The following TLK1 variants were observed in gnomAD, a reference collection of about 807,000 sequenced individuals.
TLK1 encodes the protein tousled like kinase 1.
A neutral mutation model predicts 105.3 loss-of-function variants in TLK1; 24 were observed. The ratio of observed to expected loss-of-function variants is 0.23; its 90% CI spans 0.17 to 0.32. TLK1 has a LOEUF of 0.32. Ranked by LOEUF, TLK1 falls within the 10% of genes least tolerant of loss-of-function variation. TLK1 has a pLI of 1.00. For missense variants in TLK1, 558 were observed against 910.5 expected (o/e 0.61, Z 4.98); for synonymous variants, 321 against 310.4 (o/e 1.03, Z -0.36).
intron 1 of TLK1, among the ~76,000 whole-genome samples, chr2:171,167,479 G>A (rs761682495): frequency 5.3e-5 from 8 of 152,136 alleles, no homozygotes; most frequent in Non-Finnish European, 1.2e-4. Context: ...ATTAGATTAT[G>A]AAGAATTCTC....
chr2:171,030,032 C>G lies in TLK1; in HGVS notation c.1170-1627G>C, dbSNP rs181398576. On this transcript the variant is annotated intron_variant, in intron 11 of 20. Transcript: ENST00000431350. ...AAGTGCTGGGATTACAAGTGTGAGC[C>G]ACCACAACCGGCCCATACCCCAACT... is the stretch of plus-strand genomic sequence containing the variant. 4.7e-3 allele frequency among the ~76,000 whole-genome samples: 723 copies of G among 152,294 alleles called. 9 individuals are homozygous for G. The South Asian group carries it at 0.049, about 10-fold the overall frequency.
intron 1 of TLK1, among the ~76,000 whole-genome samples, chr2:171,228,344 A>G (rs1161555217): frequency 9.9e-5 from 15 of 152,222 alleles, no homozygotes; most frequent in Admixed American, 9.8e-4. Context: ...ACCTAAGGCT[A>G]GGAATTAGAG....
Position 171,175,797 on chromosome 2 carries a change from A to G in TLK1, c.-6+55348T>C, listed in dbSNP as rs564198258. On this transcript the variant is annotated intron_variant, in intron 1 of 20. Transcript: ENST00000521943. ...ACCTTGATGGCCACAACTACCTCCCATGGACCCTGGTTCTCAACCTTGACT... is the reference window on the plus strand; with the variant it reads ...ACCTTGATGGCCACAACTACCTCCCGTGGACCCTGGTTCTCAACCTTGACT... Among the ~76,000 whole-genome samples, 18 of 152,188 alleles carry G rather than the reference A, an allele frequency of 1.2e-4. No individual in the cohort carries two copies. The East Asian group carries it at 3.3e-3, about 28-fold the overall frequency.
chr2:171,007,603 CT>C (rs1684708509), intron 14 of TLK1, among the ~76,000 whole-genome samples: 1 of 151,990 alleles, frequency 6.6e-6, no homozygotes, highest in African/African-American at 2.4e-5. Context: ...CCTTATGCCC[CT>C]ACCATCCAGT....
intron 2 of TLK1, among the ~76,000 whole-genome samples, chr2:171,101,346 C>CAAA (rs71401403): frequency 3.2e-4 from 20 of 63,488 alleles, no homozygotes; most frequent in African/African-American, 1.0e-3. Flanking sequence ...AACTCCGTCT[C>CAAA]AAAAAAAAAA....
chr2:171,092,396 T>A (rs1245632697), intron 2 of TLK1, among the ~76,000 whole-genome samples: 2 of 152,176 alleles, frequency 1.3e-5, no homozygotes. Context: ...ACAGACTAAG[T>A]TTTGGTTACC....
intron 3 of TLK1, among the ~76,000 whole-genome samples, chr2:171,080,570 A>ATAATAC (rs1444070781): frequency 1.8e-4 from 27 of 149,752 alleles, no homozygotes; most frequent in South Asian, 1.3e-3. Flanking sequence ...AATAATAATA[A>ATAATAC]TAATGGTAAT....
intron 12 of TLK1, chr2:171,022,914 T>C (rs1348219047): frequency 5.4e-6 from 2 of 370,730 alleles, no homozygotes; most frequent in East Asian, 7.3e-5. Context: ...AAAAGGCTTG[T>C]AGACAATCCA....
intron 2 of TLK1, among the ~76,000 whole-genome samples, chr2:171,115,091 T>C (rs1318709958): frequency 6.6e-6 from 1 of 151,994 alleles, no homozygotes; most frequent in Non-Finnish European, 1.5e-5. Context: ...AAATAAATCA[T>C]CTTTCAGTTT....
At chr2:171,120,681 T>G (rs1558953138) in intron 1 of TLK1, among the ~76,000 whole-genome samples, 1 of 152,216 alleles carries the variant, frequency 6.6e-6, no homozygotes, top group Non-Finnish European at 1.5e-5. Flanking sequence ...GGAATCCTTG[T>G]GCATCGCTGG....
chr2:171,191,406 C>T lies in TLK1; in HGVS notation c.-6+39739G>A, dbSNP rs576198655. On this transcript the variant is annotated intron_variant, in intron 1 of 20. Transcript: ENST00000521943. The stretch of plus-strand genomic sequence containing the variant: ...CAACATGGTGAGACCCACCACCCCC[C>T]CCTCTAAAAAAATGAAAATAAAGTT... Among the ~76,000 whole-genome samples the T allele has an allele frequency of 3.9e-3, 598 of 152,070 alleles. 2 individuals are homozygous for T. The highest frequency in any genetic ancestry group is 6.1e-3 in the Non-Finnish European group (414 of 67,994).
chr2:171,139,768 A>C (rs1691490817), intron 1 of TLK1, among the ~76,000 whole-genome samples: 1 of 129,798 alleles, frequency 7.7e-6, no homozygotes, highest in Non-Finnish European at 1.6e-5. Context: ...CCTTTTTGGC[A>C]CCAGTGGCCA....
chr2:171,002,577 T>A (rs947530898), intron 18 of TLK1, among the ~76,000 whole-genome samples: 2 of 151,616 alleles, frequency 1.3e-5, no homozygotes, highest in Non-Finnish European at 2.9e-5. Context: ...CCTGGCCTGC[T>A]TTTTCTAAAA....
chr2:171,007,716 T>C (rs1003433946), intron 14 of TLK1, among the ~76,000 whole-genome samples: 10 of 152,094 alleles, frequency 6.6e-5, no homozygotes, highest in African/African-American at 2.4e-4. Context: ...AAATACATTA[T>C]TTCTCCCAGT....
At chr2:171,207,884 G>C (rs1693535903) in intron 1 of TLK1, among the ~76,000 whole-genome samples, 1 of 151,810 alleles carries the variant, frequency 6.6e-6, no homozygotes, top group Non-Finnish European at 1.5e-5. Context: ...TGCCACCACG[G>C]CCAACTAATT....
At chr2:171,090,496 T>C (rs761267904) in intron 2 of TLK1, among the ~76,000 whole-genome samples, 108 of 152,216 alleles carry the variant, frequency 7.1e-4, no homozygotes, top group Non-Finnish European at 1.3e-3. Flanking sequence ...AGTGTACTTA[T>C]GATTTGTGCA....
At chr2:171,157,668 A>C (rs1692291640) in intron 1 of TLK1, among the ~76,000 whole-genome samples, 1 of 152,246 alleles carries the variant, frequency 6.6e-6, no homozygotes, top group East Asian at 1.9e-4. Context: ...AAAAATAATC[A>C]GATCATAATC....
At chr2:171,035,030 A>T (rs1686255419) in intron 11 of TLK1, among the ~76,000 whole-genome samples, 2 of 151,978 alleles carry the variant, frequency 1.3e-5, no homozygotes, top group Admixed American at 1.3e-4. Flanking sequence ...GTCTCACAAG[A>T]TCTGATGGCT....
At chr2:171,215,214 T>C (rs2105327758) in intron 1 of TLK1, among the ~76,000 whole-genome samples, 1 of 152,346 alleles carries the variant, frequency 6.6e-6, no homozygotes, top group South Asian at 2.1e-4. Flanking sequence ...ATGCTGGGAT[T>C]ACAGGCGTGA....
Sources: gnomAD v4.1 joint callset for allele counts (sites outside exome capture counted in the v4.1 genomes callset) on GRCh38, gnomAD v4.1.1 for gene constraint, MANE v1.5 for transcripts, NCBI Gene and HGNC (gene_info 2026-07-23, HGNC 2026-07-21) for gene names.